SHANK1: variants seen among roughly 807,000 people sequenced by gnomAD.
SHANK1 encodes the protein SH3 and multiple ankyrin repeat domains protein 1.
SHANK1 carries 35 observed loss-of-function variants against 165.6 expected under a neutral mutation model. That is an observed-to-expected ratio of 0.21 (90% confidence interval 0.16 to 0.28). The LOEUF is 0.28. Ranked by LOEUF, SHANK1 falls within the 10% of genes least tolerant of loss-of-function variation. The probability of loss-of-function intolerance (pLI) is 1.00; values close to 1 mark genes in which losing one functional copy is unlikely to be tolerated. For synonymous variants in SHANK1, 1,428 were observed against 1,384.8 expected, an observed-to-expected ratio of 1.03 and a Z score of -0.69; for missense variants, 2,681 against 3,036.4, an observed-to-expected ratio of 0.88 and a Z score of 2.75.
intron 23 of SHANK1, 130 bp downstream of exon 23, chr19:50,666,062 A>G: frequency 2.6e-6 from 2 of 781,194 alleles, no homozygotes; most frequent in Non-Finnish European, 3.9e-6. Context: ...TTGTGAAAGC[A>G]TGCTTCTGTG....
intron 21 of SHANK1, among the ~76,000 whole-genome samples, chr19:50,674,444 C>T (rs1040415221): frequency 6.6e-6 from 1 of 152,194 alleles, no homozygotes; most frequent in Non-Finnish European, 1.5e-5. Context: ...TATACCCCCT[C>T]CTGCCTCTTT....
chr19:50,686,251 A>C lies in SHANK1; in HGVS notation c.2563T>G (p.Phe855Val). ...ASLGKHRPKGFFATESSFDPH... is the reference protein window; with the variant it reads ...ASLGKHRPKGVFATESSFDPH... ...AGGCCGCCTACCTCAGTGGCAAAGA[A>C]ACCTTTGGGTCGGTGTTTGCCCAGG... The change falls in exon 21 of 24, where the codon TTC (phenylalanine) becomes GTC (valine). Residue 855 changes from phenylalanine to valine, a missense_variant. Physicochemically the swap from Phe to Val is conservative, Grantham distance 50 (BLOSUM62 -1). Transcript: ENST00000293441. This position sits in a 1 kb window ranked among gnomAD's most constrained non-coding sequence, Gnocchi z 5.7. The C allele has an allele frequency of 6.3e-7, 1 of 1,597,618 alleles. No individual in the cohort carries two copies. Among genetic ancestry groups the C allele is most frequent in the Non-Finnish European group, 8.5e-7 (1 of 1,171,136 alleles).
Position 50,677,863 on chromosome 19 carries a change from A to G in SHANK1, c.2578-5749T>C, listed in dbSNP as rs570382868. On this transcript the variant is annotated intron_variant, in intron 21 of 23. Coordinates refer to ENST00000293441, the MANE Select transcript of SHANK1 (RefSeq NM_016148.5). ...CTCTAAGCGCTTCTCAGCCTGCTCAATCCTTCTCCACTTTGCTGAATGTTT... is the reference window on the plus strand; with the variant it reads ...CTCTAAGCGCTTCTCAGCCTGCTCAGTCCTTCTCCACTTTGCTGAATGTTT... Among the ~76,000 whole-genome samples the G allele has an allele frequency of 1.6e-4, 25 of 152,142 alleles. 1 individual carries two copies. Among genetic ancestry groups the G allele is most frequent in the Middle Eastern group, 3.4e-3 (1 of 294 alleles).
At chr19:50,701,102 CCTT>C (rs1049320539) in intron 12 of SHANK1, among the ~76,000 whole-genome samples, 3 of 152,010 alleles carry the variant, frequency 2.0e-5, no homozygotes, top group Non-Finnish European at 2.9e-5. Flanking sequence ...CTCAAGTTGA[CCTT>C]CTATGGTAGG....
At position 50,697,695 on chromosome 19, in the gene SHANK1, CTTGTT is replaced by C. The variant is rs772561380; in HGVS notation, c.1862-36_1862-32del. ...GGGTGACAACAGACAACCTTGGACT[CTTGTT>C]TTGGAAACCACAATCCCAGCCCTAG... On this transcript the variant is annotated intron_variant, in intron 13 of 23. Transcript: ENST00000293441. The surrounding 1 kb of genome is among the most constrained non-coding windows in gnomAD (Gnocchi z 4.7). The C allele has an allele frequency of 3.1e-6, 5 of 1,608,370 alleles. No individual in the cohort carries two copies. The African/African-American group carries it at 6.7e-5, about 22-fold the overall frequency.
chr19:50,671,926 G>C, intron 22 of SHANK1, 92 bp downstream of exon 22: 1 of 940,588 alleles, frequency 1.1e-6, no homozygotes, highest in Non-Finnish European at 1.7e-6. Context: ...CTCTCTGGGA[G>C]CACAGAACAT....
At chr19:50,693,758 C>G (rs567074616) in intron 15 of SHANK1, among the ~76,000 whole-genome samples, 18 of 152,110 alleles carry the variant, frequency 1.2e-4, no homozygotes, top group African/African-American at 4.1e-4. Context: ...CACACACAAG[C>G]GGATGCGGCT....
rs1308079810 is a variant in SHANK1 at position 50,688,910 on chromosome 19, C to T, written c.2106G>A (p.Leu702=). The change falls in exon 17 of 24, where the codon CTG becomes CTA. Residue 702 remains leucine, a synonymous_variant. Transcript: ENST00000293441. This position sits in a 1 kb window ranked among gnomAD's most constrained non-coding sequence, Gnocchi z 6.7. ...CCACGCCACCCTCGTCCACCGACTC[C>T]AGGTACTGCAGCGCCGGGAAGGCCG... is the stretch of plus-strand genomic sequence containing the variant. ...PTPAFPALQY[L]ESVDEGGVAW... is the part of the protein sequence containing the mutation. 6.3e-7 allele frequency: 1 copy of T among 1,577,760 alleles called. No homozygotes were observed. Among genetic ancestry groups the T allele is most frequent in the Non-Finnish European group, 8.6e-7 (1 of 1,161,514 alleles).
chr19:50,703,898 G>T, intron 10 of SHANK1, 68 bp from the exon 11 acceptor site: 1 of 731,892 alleles, frequency 1.4e-6, no homozygotes, highest in Non-Finnish European at 2.2e-6. Flanking sequence ...GGCCATGCGG[G>T]GGCAAGAGAT....
Position 50,661,824 on chromosome 19 carries a change from T to G in SHANK1, c.*141A>C. 1 of 917,082 alleles carries G rather than the reference T, an allele frequency of 1.1e-6. No homozygotes were observed. Among genetic ancestry groups the G allele is most frequent in the Admixed American group, 2.2e-5 (1 of 45,924 alleles). 56.8% of individuals were successfully genotyped at this position (917,082 alleles called of 1,614,324 possible). A position where few individuals can be genotyped will look rare whatever the true frequency, so the allele number is the denominator to read the frequency against. On this transcript the variant is annotated 3_prime_UTR_variant, in exon 24 of 24. Transcript: ENST00000293441. ...GCCTGGATTGGGCCACCTGGTGACC[T>G]CTGGCCTTGGGAGATGAGGGCAGGG...
chr19:50,677,127 C>CTT lies in SHANK1; in HGVS notation c.2578-5015_2578-5014dup, dbSNP rs750956099. Reference sequence around the variant, plus strand: ...CCTGCCTGAGACTTCCTATCTCATACTTTTTTTTTTTTTTTTTGAGATGGG... The same window carrying CTT: ...CCTGCCTGAGACTTCCTATCTCATACTTTTTTTTTTTTTTTTTTTGAGATGGG... On this transcript the variant is annotated intron_variant, in intron 21 of 23. Transcript: ENST00000293441. Among the ~76,000 whole-genome samples, 1,055 of 138,098 alleles carry CTT rather than the reference C, an allele frequency of 7.6e-3. 12 individuals carry two copies. The highest frequency in any genetic ancestry group is 0.01 in the African/African-American group (381 of 37,276). 90.6% of individuals were successfully genotyped at this position (138,098 alleles called of 152,430 possible).
intron 7 of SHANK1, 139 bp from the exon 8 acceptor site, chr19:50,711,626 C>A: frequency 1.4e-6 from 1 of 699,182 alleles, no homozygotes. Flanking sequence ...CTTTTAGCCC[C>A]GCTTCCTGCT....
chr19:50,691,246 A>G (rs1475728154), intron 15 of SHANK1, among the ~76,000 whole-genome samples: 1 of 152,124 alleles, frequency 6.6e-6, no homozygotes, highest in Non-Finnish European at 1.5e-5. Context: ...GAAACTGGAC[A>G]CAGAAATTGG....
At chr19:50,687,507 C>A (rs1000524532) in intron 19 of SHANK1, 75 bp downstream of exon 19, 2 of 1,199,848 alleles carry the variant, frequency 1.7e-6, no homozygotes, top group Non-Finnish European at 2.3e-6. Flanking sequence ...ACAACACTAA[C>A]GAACTCAAGG....
At chr19:50,711,873 C>G (rs1324095298) in intron 7 of SHANK1, 74 bp downstream of exon 7, 1 of 1,561,154 alleles carries the variant, frequency 6.4e-7, no homozygotes, top group Admixed American at 1.7e-5. Flanking sequence ...CATCTGGTTC[C>G]CAGCCCCAGC....
chr19:50,667,640 G>A lies in SHANK1; in HGVS notation c.4320C>T (p.Ala1440=), dbSNP rs775245981. Residue 1440 remains alanine (A), a synonymous_variant, in exon 23 of 24, where the codon GCC becomes GCT. Coordinates refer to ENST00000293441, the MANE Select transcript of SHANK1 (RefSeq NM_016148.5). This position sits in a 1 kb window ranked among gnomAD's most constrained non-coding sequence, Gnocchi z 5.7. ...GCAGGCGGTGTAGCAGGGAACGCCG[G>A]GCGGCGGGCGGGCTGGCGGGAAGGG... ...EKSLPASPPA[A]RRSLLHRLPP... is the part of the protein sequence containing the mutation. 249 of 1,415,172 alleles carry A rather than the reference G, an allele frequency of 1.8e-4. No individual in the cohort carries two copies. Among genetic ancestry groups the A allele is most frequent in the Non-Finnish European group, 2.2e-4 (242 of 1,094,482 alleles). The allele number at this position is 1,415,172 out of a possible 1,614,324, so 87.7% of individuals were successfully genotyped here.
rs372307194 is a variant in SHANK1, at chr19:50,716,859, C to T, written c.61G>A (p.Glu21Lys). Reference sequence around the variant, plus strand: ...GAGCTGTCGGACTCTGAGCCCCCCTCGGGACACTCGCTGGCACTGTGGCGT... The same window carrying T: ...GAGCTGTCGGACTCTGAGCCCCCCTTGGGACACTCGCTGGCACTGTGGCGT... ...EERHSASECPEGGSESDSSPD... is the reference protein window; with the variant it reads ...EERHSASECPKGGSESDSSPD... The change falls in exon 2 of 24, where the codon GAG becomes AAG. Residue 21 changes from glutamate to lysine, a missense_variant. Glu to Lys is a moderately conservative substitution (Grantham distance 56). Around this residue, in one of 10 missense-constraint regions of SHANK1, gnomAD observed 118 missense variants for 106.9 expected, o/e 1.10. Coordinates refer to ENST00000293441, the MANE Select transcript of SHANK1 (RefSeq NM_016148.5). The surrounding 1 kb of genome is among the most constrained non-coding windows in gnomAD (Gnocchi z 8.4). 20 of 1,523,084 alleles carry T rather than the reference C, an allele frequency of 1.3e-5. No individual in the cohort carries two copies. The highest frequency in any genetic ancestry group is 2.8e-5 in the African/African-American group (2 of 71,522). 94.3% of individuals were successfully genotyped at this position (1,523,084 alleles called of 1,614,324 possible).
At chr19:50,706,304 G>A (rs1254656524) in intron 8 of SHANK1, among the ~76,000 whole-genome samples, 1 of 152,158 alleles carries the variant, frequency 6.6e-6, no homozygotes, top group Non-Finnish European at 1.5e-5. Context: ...CACACATTGT[G>A]GAGGAAAGGG....
Position 50,717,030 on chromosome 19 carries a change from G to T in SHANK1, c.-43-68C>A. The T allele has an allele frequency of 7.7e-7, 1 of 1,297,366 alleles. No homozygotes were observed. The highest frequency in any genetic ancestry group is 9.9e-7 in the Non-Finnish European group (1 of 1,005,062). 80.4% of individuals were successfully genotyped at this position (1,297,366 alleles called of 1,614,324 possible). A position where few individuals can be genotyped will look rare whatever the true frequency, so the allele number is the denominator to read the frequency against. Reference sequence around the variant, plus strand: ...CCCTCAGAGGCCGCAGGCGCTATTCGGTGGTCAAGCGGTCAAGGGCAGCCT... The same window carrying T: ...CCCTCAGAGGCCGCAGGCGCTATTCTGTGGTCAAGCGGTCAAGGGCAGCCT... On this transcript the variant is annotated intron_variant, in intron 1 of 23. Transcript: ENST00000293441. This position sits in a 1 kb window ranked among gnomAD's most constrained non-coding sequence, Gnocchi z 5.5.
Sources: allele counts gnomAD v4.1 joint callset (sites outside exome capture counted in the v4.1 genomes callset), GRCh38; gene constraint gnomAD v4.1.1; regional missense constraint gnomAD v4.1.1; non-coding constraint Gnocchi (gnomAD v3.1); transcripts MANE v1.5; gene names NCBI Gene and HGNC (gene_info 2026-07-23, HGNC 2026-07-21).